The following KANK1 variants were observed in gnomAD, a reference collection of about 807,000 sequenced individuals.
KANK1 encodes KN motif and ankyrin repeat domains 1, also known as KN motif and ankyrin repeat domain-containing protein 1.
KANK1 carries 109 observed loss-of-function variants against 106.2 expected under a neutral mutation model. The ratio of observed to expected loss-of-function variants is 1.03; its 90% CI spans 0.88 to 1.20. KANK1 has a LOEUF of 1.20. KANK1 is among the 50% of genes most tolerant of loss of function. KANK1 has a pLI of 0.00. For missense variants in KANK1, 2,399 were observed against 1,710.7 expected, an observed-to-expected ratio of 1.40 and a Z score of -7.10; for synonymous variants, 873 against 652.2, an observed-to-expected ratio of 1.34 and a Z score of -5.16.
At chr9:471,282 G>T (rs1309840172) in intron 2 of KANK1, among the ~76,000 whole-genome samples, 4 of 152,174 alleles carry the variant, frequency 2.6e-5, no homozygotes, top group African/African-American at 4.8e-5. Flanking sequence ...GACCGAGGAG[G>T]GGCACTATGT....
chr9:475,516 G>A lies in KANK1; in HGVS notation c.-362+2243G>A, dbSNP rs528633980. ...TTAATAAATTTTCACTCCTGCTTGA[G>A]GACTAAGCTCTGATCTTTTCTTATC... On this transcript the variant is annotated intron_variant, in intron 3 of 15. Coordinates refer to the KANK1 transcript ENST00000382303. 2.6e-5 allele frequency among the ~76,000 whole-genome samples: 4 copies of A among 152,200 alleles called. No homozygotes were observed. The East Asian group carries it at 5.8e-4, about 22-fold the overall frequency.
intron 2 of KANK1, chr9:707,036 G>A (rs1824430558): frequency 2.0e-6 from 2 of 985,370 alleles, no homozygotes; most frequent in Admixed American, 6.1e-5. Flanking sequence ...ACAGCTGAGT[G>A]CGGCGGGGGT....
Position 745,403 on chromosome 9 carries a change from C to T in KANK1, c.*168C>T, listed in dbSNP as rs868051537. 1.3e-6 allele frequency: 1 copy of T among 750,050 alleles called. No homozygotes were observed. Among genetic ancestry groups the T allele is most frequent in the Middle Eastern group, 3.5e-4 (1 of 2,840 alleles). The allele number at this position is 750,050 out of a possible 1,614,324, so 46.5% of individuals were successfully genotyped here. The stretch of plus-strand genomic sequence containing the variant: ...CTTTCACAGTGCAGAGACTGCTAGC[C>T]TGGGCACACACACCTCCTTTCTGGC... On this transcript the variant is annotated 3_prime_UTR_variant, in exon 12 of 12. Coordinates refer to ENST00000382297, the MANE Select transcript of KANK1 (RefSeq NM_015158.5).
chr9:664,639 A>T (rs1844148632), intron 1 of KANK1, among the ~76,000 whole-genome samples: 1 of 152,172 alleles, frequency 6.6e-6, no homozygotes, highest in Non-Finnish European at 1.5e-5. Flanking sequence ...ATAAACATGC[A>T]AGTACAGATC....
chr9:562,491 G>A (rs1289886092), intron 1 of KANK1, among the ~76,000 whole-genome samples: 1 of 152,182 alleles, frequency 6.6e-6, no homozygotes, highest in Non-Finnish European at 1.5e-5. Context: ...TTATCCTCAT[G>A]ACCTAAAGCT....
rs551985980 is a variant in KANK1, at chr9:526,058, C to T, written c.-84+21304C>T. Among the ~76,000 whole-genome samples the T allele has an allele frequency of 1.1e-4, 17 of 151,840 alleles. No individual in the cohort carries two copies. In the East Asian group the frequency reaches 3.3e-3, roughly 29 times the overall value. ...AACCCACATGTATCCCTCTCTGCCT[C>T]TGAGGAGAATGGGGCCTTTCTTGGA... On this transcript the variant is annotated intron_variant, in intron 1 of 11. Transcript: ENST00000382297.
At chr9:476,816 T>C (rs1202582233) in intron 3 of KANK1, 1 of 152,230 alleles carries the variant, frequency 6.6e-6, no homozygotes, top group African/African-American at 2.4e-5. Context: ...ATGGATGTTT[T>C]TCTAGCTGTG....
chr9:474,828 C>T (rs529966046), intron 3 of KANK1, among the ~76,000 whole-genome samples: 27 of 152,306 alleles, frequency 1.8e-4, no homozygotes, highest in African/African-American at 6.3e-4. Context: ...GCCATCTAGA[C>T]TTTCCCTGAG....
At position 742,234 on chromosome 9, in the gene KANK1, C is replaced by G; in HGVS notation, c.3726C>G (p.Val1242=). The change falls in exon 10 of 12, where the codon GTC becomes GTG. Residue 1242 remains valine (V), a synonymous_variant. Coordinates refer to ENST00000382297, the MANE Select transcript of KANK1 (RefSeq NM_015158.5). ...GACAGACGGCCCTCATGCTGGCGGT[C>G]AGTCACGGACGGATAGACATGGTGA... is the stretch of plus-strand genomic sequence containing the variant. ...QAGQTALMLA[V]SHGRIDMVKG... 1.2e-6 allele frequency: 2 copies of G among 1,614,168 alleles called. No individual in the cohort carries two copies. Among genetic ancestry groups the G allele is most frequent in the Non-Finnish European group, 1.7e-6 (2 of 1,180,028 alleles).
intron 1 of KANK1, among the ~76,000 whole-genome samples, chr9:545,383 G>C (rs948048815): frequency 4.6e-5 from 7 of 152,196 alleles, no homozygotes; most frequent in African/African-American, 1.7e-4. Context: ...GTTCAGAAAA[G>C]AGAAAGAGCA....
At chr9:526,518 G>A (rs2059798771) in intron 1 of KANK1, among the ~76,000 whole-genome samples, 1 of 151,642 alleles carries the variant, frequency 6.6e-6, no homozygotes, top group African/African-American at 2.4e-5. Context: ...TTCAAGACCA[G>A]TCTGGGCAAC....
upstream of KANK1, among the ~76,000 whole-genome samples, chr9:501,723 TA>T (rs33949370): frequency 0.18 from 27,881 of 152,016 alleles, 5,633 homozygotes; most frequent in African/African-American, 0.51. Context: ...TGTTACTTTT[TA>T]AAAAAATAGA....
intron 1 of KANK1, among the ~76,000 whole-genome samples, chr9:542,453 G>T (rs774527335): frequency 2.8e-4 from 42 of 152,246 alleles, no homozygotes; most frequent in Non-Finnish European, 5.1e-4. Context: ...CTCTTAGACT[G>T]TTGATGAGAA....
At chr9:521,506 A>G (rs754354998) in intron 1 of KANK1, among the ~76,000 whole-genome samples, 2 of 149,852 alleles carry the variant, frequency 1.3e-5, no homozygotes, top group African/African-American at 2.5e-5. Flanking sequence ...GTGTTCATTC[A>G]TGAAATTTCA....
chr9:611,171 G>A (rs1008542377), intron 1 of KANK1, among the ~76,000 whole-genome samples: 4 of 152,096 alleles, frequency 2.6e-5, no homozygotes, highest in African/African-American at 9.7e-5. Flanking sequence ...CAGAGATGTC[G>A]CTGTCAGCCC....
At chr9:628,101 G>T (rs1452585053) in intron 1 of KANK1, among the ~76,000 whole-genome samples, 2 of 152,174 alleles carry the variant, frequency 1.3e-5, no homozygotes, top group African/African-American at 4.8e-5. Flanking sequence ...AGTAATCCTA[G>T]AGAGTATTTC....
chr9:611,362 C>T (rs925532987), intron 1 of KANK1, among the ~76,000 whole-genome samples: 1 of 152,188 alleles, frequency 6.6e-6, no homozygotes, highest in Non-Finnish European at 1.5e-5. Context: ...TGGATGACTA[C>T]ACTTATCTCC....
At chr9:479,721 G>T (rs1196244321) in intron 3 of KANK1, among the ~76,000 whole-genome samples, 5 of 152,210 alleles carry the variant, frequency 3.3e-5, no homozygotes, top group African/African-American at 1.2e-4. Flanking sequence ...ACATGCAAAT[G>T]GGGTTCCATT....
chr9:511,588 T>G (rs1376749575), intron 1 of KANK1, among the ~76,000 whole-genome samples: 1 of 152,186 alleles, frequency 6.6e-6, no homozygotes, highest in Non-Finnish European at 1.5e-5. Flanking sequence ...CTGTCCAGAC[T>G]CAAGAACACT....
Sources: allele counts gnomAD v4.1 joint callset (sites outside exome capture counted in the v4.1 genomes callset), GRCh38; gene constraint gnomAD v4.1.1; transcripts MANE v1.5; gene names NCBI Gene and HGNC (gene_info 2026-07-23, HGNC 2026-07-21).